The following BMAL1 variants were observed in gnomAD, a reference collection of about 807,000 sequenced individuals.
BMAL1 encodes basic helix-loop-helix ARNT-like protein 1.
chr11:13,385,671 C>A, the BMAL1 span: 1 of 1,577,022 alleles, frequency 6.3e-7, no homozygotes, highest in South Asian at 1.1e-5. Context: ...CTTCACACTT[C>A]CCTCCTTTTG....
At chr11:13,324,811 C>T in the BMAL1 span, among the ~76,000 whole-genome samples, 2 of 152,128 alleles carry the variant, frequency 1.3e-5, no homozygotes, top group Admixed American at 6.5e-5. Context: ...TGCATGCAAG[C>T]GAAGACTTTG....
the BMAL1 span, chr11:13,378,214 T>C: frequency 1.5e-6 from 2 of 1,332,354 alleles, no homozygotes; most frequent in Admixed American, 3.3e-5. Context: ...CTAAAGTCCC[T>C]CAAGGCACAA....
chr11:13,354,255 G>A, the BMAL1 span: 2 of 1,369,630 alleles, frequency 1.5e-6, no homozygotes, highest in East Asian at 3.9e-5. Context: ...ACTTTTGAGA[G>A]CTCATCGAAA....
the BMAL1 span, chr11:13,375,729 T>C: frequency 6.3e-7 from 1 of 1,595,576 alleles, no homozygotes; most frequent in Non-Finnish European, 8.5e-7. Flanking sequence ...ACCAAGGAAG[T>C]AGAATATATT....
chr11:13,361,072 C>A, the BMAL1 span, among the ~76,000 whole-genome samples: 5 of 152,196 alleles, frequency 3.3e-5, no homozygotes, highest in Non-Finnish European at 4.4e-5. Flanking sequence ...CCACTGCACT[C>A]CAGCTTGGGC....
chr11:13,373,310 A>C, the BMAL1 span, among the ~76,000 whole-genome samples: 4 of 152,162 alleles, frequency 2.6e-5, no homozygotes, highest in Non-Finnish European at 4.4e-5. Flanking sequence ...GCTTTCCCTC[A>C]GAATATGCAC....
At chr11:13,324,436 G>T in the BMAL1 span, among the ~76,000 whole-genome samples, 1 of 152,048 alleles carries the variant, frequency 6.6e-6, no homozygotes, top group African/African-American at 2.4e-5. Flanking sequence ...TCCTCCGCCT[G>T]AGCTGCTCTT....
At chr11:13,293,335 C>T in the BMAL1 span, among the ~76,000 whole-genome samples, 1,709 of 152,286 alleles carry the variant, frequency 0.011, 35 homozygotes, top group African/African-American at 0.038. Context: ...GGTTTGAGTC[C>T]AGCCCTTTTA....
the BMAL1 span, among the ~76,000 whole-genome samples, chr11:13,325,439 CTTTTCTTTTT>C: frequency 1.6e-4 from 24 of 152,176 alleles, no homozygotes; most frequent in African/African-American, 2.4e-4. Context: ...TGCTTTTTTT[CTTTTCTTTTT>C]TTTTCTTTTT....
the BMAL1 span, among the ~76,000 whole-genome samples, chr11:13,292,496 G>A: frequency 3.3e-5 from 5 of 151,180 alleles, no homozygotes; most frequent in East Asian, 3.9e-4. Flanking sequence ...GCAGTGAGCC[G>A]AGATCGCGCC....
chr11:13,372,971 T>C, the BMAL1 span, among the ~76,000 whole-genome samples: 2 of 152,210 alleles, frequency 1.3e-5, no homozygotes, highest in Admixed American at 6.5e-5. Flanking sequence ...AGGGATAGCA[T>C]GCTGTCTGAA....
chr11:13,333,864 A>G, the BMAL1 span, among the ~76,000 whole-genome samples: 1 of 152,216 alleles, frequency 6.6e-6, no homozygotes, highest in Admixed American at 6.5e-5. Context: ...CCAGCTTAGA[A>G]GTTTGAAGGT....
chr11:13,277,519 A>G, the BMAL1 span: 1 of 152,258 alleles, frequency 6.6e-6, no homozygotes, highest in Non-Finnish European at 1.5e-5. Flanking sequence ...AGTAGCAGGT[A>G]AACCGGCTCC....
At chr11:13,323,653 G>C in the BMAL1 span, among the ~76,000 whole-genome samples, 1 of 152,166 alleles carries the variant, frequency 6.6e-6, no homozygotes. Context: ...GTCTTGCTTT[G>C]TCATCCAGGC....
chr11:13,322,187 G>A, the BMAL1 span, among the ~76,000 whole-genome samples: 1 of 152,172 alleles, frequency 6.6e-6, no homozygotes. Flanking sequence ...CAGGATCACT[G>A]TCCAGATTGA....
the BMAL1 span, chr11:13,378,642 CCCT>C: frequency 1.6e-6 from 1 of 608,410 alleles, no homozygotes; most frequent in Non-Finnish European, 2.7e-6. Context: ...CAGGACAGTT[CCCT>C]CCTCCCCACC....
the BMAL1 span, chr11:13,365,282 AACACACACACACACACACAC>A: frequency 5.4e-4 from 98 of 182,820 alleles, no homozygotes; most frequent in Middle Eastern, 0.015. Context: ...GATATGCAGA[AACACACACACACACACACAC>A]ACACACACAC....
the BMAL1 span, among the ~76,000 whole-genome samples, chr11:13,281,407 A>G: frequency 6.6e-6 from 1 of 151,936 alleles, no homozygotes; most frequent in Admixed American, 6.6e-5. Flanking sequence ...TTCTCTCGCT[A>G]CCACCTTTCT....
chr11:13,383,874 A>G, the BMAL1 span, among the ~76,000 whole-genome samples: 99 of 152,136 alleles, frequency 6.5e-4, 2 homozygotes, highest in East Asian at 0.019. Flanking sequence ...GAAAGGAAGG[A>G]AGGGAGTGAG....
Sources: gnomAD v4.1 joint callset for allele counts (sites outside exome capture counted in the v4.1 genomes callset) on GRCh38, gnomAD v4.1.1 for gene constraint, MANE v1.5 for transcripts, NCBI Gene and HGNC (gene_info 2026-07-23, HGNC 2026-07-21) for gene names.